The following SLC30A6 variants were observed in gnomAD, a reference collection of about 807,000 sequenced individuals.
SLC30A6 encodes the protein solute carrier family 30 member 6, also known as zinc transporter 6.
In SLC30A6, 55 loss-of-function variants were observed where a neutral mutation model predicts 63.0. The observed-to-expected ratio is 0.87, with a 90% confidence interval of 0.70 to 1.09. The LOEUF (loss-of-function observed/expected upper bound fraction) is 1.09. Among genes scored for constraint, SLC30A6 ranks in the 50% least tolerant of loss-of-function variants. The pLI is 0.00. For missense variants in SLC30A6, 587 were observed against 549.2 expected (o/e 1.07, Z -0.69); for synonymous variants, 224 against 186.1 (o/e 1.20, Z -1.66).
intron 2 of SLC30A6, among the ~76,000 whole-genome samples, 178 bp from the exon 3 acceptor site, chr2:32,173,885 G>T (rs1681462674): frequency 6.6e-6 from 1 of 152,096 alleles, no homozygotes; most frequent in Non-Finnish European, 1.5e-5. Flanking sequence ...TTTTAAACTT[G>T]TATACTGTAA....
chr2:32,204,720 T>C, intron 11 of SLC30A6, 28 bp downstream of exon 11: 1 of 1,404,408 alleles, frequency 7.1e-7, no homozygotes, highest in South Asian at 1.2e-5. Context: ...ATGCACGTGC[T>C]TAATATTAGC....
At chr2:32,215,601 G>T (rs1685638445) in intron 13 of SLC30A6, among the ~76,000 whole-genome samples, 1 of 149,194 alleles carries the variant, frequency 6.7e-6, no homozygotes, top group South Asian at 2.1e-4. Context: ...TCATAAAAAA[G>T]AGAGTAAATA....
chr2:32,215,526 T>A (rs1217673583), intron 13 of SLC30A6, among the ~76,000 whole-genome samples: 59 of 144,840 alleles, frequency 4.1e-4, no homozygotes, highest in African/African-American at 1.5e-3. Flanking sequence ...ATTTTTTTTT[T>A]TTTTTTAAGT....
chr2:32,201,745 G>A, intron 10 of SLC30A6: 1 of 1,346,672 alleles, frequency 7.4e-7, no homozygotes, highest in African/African-American at 1.5e-5. Context: ...TCCCTTATAT[G>A]GTTTTTATGA....
At chr2:32,182,371 A>G (rs544207588) in intron 4 of SLC30A6, among the ~76,000 whole-genome samples, 1 of 152,368 alleles carries the variant, frequency 6.6e-6, no homozygotes, top group South Asian at 2.1e-4. Context: ...CTTGCTGCTT[A>G]CATGAATTGG....
At chr2:32,202,299 T>C (rs1041083466) in intron 10 of SLC30A6, 6 of 469,222 alleles carry the variant, frequency 1.3e-5, no homozygotes, top group African/African-American at 1.0e-4. Flanking sequence ...ATCCCTTTGA[T>C]TGAAAGACTC....
At chr2:32,177,660 T>C in intron 4 of SLC30A6, 1 of 160,736 alleles carries the variant, frequency 6.2e-6, no homozygotes, top group Non-Finnish European at 1.4e-5. Context: ...ATTTTTTTTG[T>C]TGTTGTTTTT....
chr2:32,183,160 C>G (rs1682490094), intron 4 of SLC30A6, among the ~76,000 whole-genome samples: 1 of 151,850 alleles, frequency 6.6e-6, no homozygotes, highest in African/African-American at 2.4e-5. Context: ...GCACTCCAGC[C>G]TGGGCGATAG....
rs373666816 is a variant in SLC30A6 at position 32,200,806 on chromosome 2, C to G, written c.665+2980C>G. Among the ~76,000 whole-genome samples, 44 of 150,538 alleles carry G rather than the reference C, an allele frequency of 2.9e-4. 1 individual carries two copies. In the South Asian group the frequency reaches 5.3e-3, roughly 18 times the overall value. Reference sequence around the variant, plus strand: ...TGTGACCCTGCCAAGTCCCCCTCTGCGAGAAACACCCAAGAATGATCAATA... The same window carrying G: ...TGTGACCCTGCCAAGTCCCCCTCTGGGAGAAACACCCAAGAATGATCAATA... On this transcript the variant is annotated intron_variant, in intron 10 of 13. Coordinates refer to ENST00000282587, the MANE Select transcript of SLC30A6 (RefSeq NM_017964.5).
chr2:32,180,484 A>G (rs1324654805), intron 4 of SLC30A6, among the ~76,000 whole-genome samples: 3 of 152,038 alleles, frequency 2.0e-5, no homozygotes, highest in African/African-American at 7.2e-5. Context: ...GCTAGAGTAC[A>G]GTGGCACGAT....
intron 10 of SLC30A6, chr2:32,202,339 G>A: frequency 2.8e-6 from 1 of 360,122 alleles, no homozygotes; most frequent in Non-Finnish European, 5.3e-6. Flanking sequence ...TTTTTTGTTT[G>A]TTTGTTTGTT....
At chr2:32,186,178 G>T (rs1682794616) in intron 5 of SLC30A6, among the ~76,000 whole-genome samples, 1 of 152,084 alleles carries the variant, frequency 6.6e-6, no homozygotes, top group Non-Finnish European at 1.5e-5. Flanking sequence ...GGGATTACAG[G>T]TGTGCACCAC....
chr2:32,192,845 AATGAT>A, intron 6 of SLC30A6, 68 bp from the exon 7 acceptor site: 1 of 954,722 alleles, frequency 1.0e-6, no homozygotes, highest in Non-Finnish European at 1.5e-6. Flanking sequence ...AAGGTGGGTG[AATGAT>A]ATATTTAATA....
At chr2:32,220,029 A>C (rs1245838519) in intron 13 of SLC30A6, among the ~76,000 whole-genome samples, 184 bp from the exon 14 acceptor site, 1 of 152,128 alleles carries the variant, frequency 6.6e-6, no homozygotes, top group African/African-American at 2.4e-5. Context: ...AAGATTCACA[A>C]ATTATTTAAC....
chr2:32,179,679 A>T (rs977770278), intron 4 of SLC30A6, among the ~76,000 whole-genome samples: 1 of 152,216 alleles, frequency 6.6e-6, no homozygotes, highest in Non-Finnish European at 1.5e-5. Context: ...GGGAAAAAGC[A>T]AGATACACAA....
At chr2:32,195,740 C>T (rs1321946508) in intron 8 of SLC30A6, among the ~76,000 whole-genome samples, 2 of 151,636 alleles carry the variant, frequency 1.3e-5, no homozygotes, top group East Asian at 1.9e-4. Context: ...CAAAGTCTAC[C>T]TGTGTTACCC....
intron 4 of SLC30A6, among the ~76,000 whole-genome samples, chr2:32,182,344 A>G (rs1288858916): frequency 6.6e-6 from 1 of 152,206 alleles, no homozygotes; most frequent in African/African-American, 2.4e-5. Flanking sequence ...GCTGAACTTC[A>G]ATGTAAATAC....
chr2:32,175,431 C>A, intron 4 of SLC30A6, 70 bp downstream of exon 4: 1 of 1,346,328 alleles, frequency 7.4e-7, no homozygotes, highest in Non-Finnish European at 1.0e-6. Context: ...TATAGCCATA[C>A]AATTCAGCAA....
intron 10 of SLC30A6, among the ~76,000 whole-genome samples, chr2:32,198,742 C>T (rs1223334317): frequency 6.6e-6 from 1 of 152,126 alleles, no homozygotes; most frequent in East Asian, 1.9e-4. Flanking sequence ...TGCCACCACA[C>T]CTGGCTAATT....
Sources: gnomAD v4.1 joint callset for allele counts (sites outside exome capture counted in the v4.1 genomes callset) on GRCh38, gnomAD v4.1.1 for gene constraint, MANE v1.5 for transcripts, NCBI Gene and HGNC (gene_info 2026-07-23, HGNC 2026-07-21) for gene names.